FKBP7: variants seen among roughly 807,000 people sequenced by gnomAD.
FKBP7 encodes the protein FKBP prolyl isomerase 7.
Under a neutral mutation model 24.3 loss-of-function variants are expected in FKBP7, and 24 were observed. The observed-to-expected ratio is 0.99, with a 90% confidence interval of 0.72 to 1.39. The LOEUF is 1.39. FKBP7 is among the 40% of genes most tolerant of loss of function. The pLI, the probability that FKBP7 is intolerant of heterozygous loss-of-function variation, is 0.00. For synonymous variants in FKBP7, 98 were observed against 92.8 expected, an observed-to-expected ratio of 1.06 and a Z score of -0.32; for missense variants, 257 against 269.5, an observed-to-expected ratio of 0.95 and a Z score of 0.33.
At chr2:178,473,260 T>C in intron 2 of FKBP7, 1 of 413,852 alleles carries the variant, frequency 2.4e-6, no homozygotes, top group Non-Finnish European at 4.9e-6. Context: ...ACTTTTAAAA[T>C]AATGTAATCC....
intron 2 of FKBP7, 111 bp downstream of exon 2, chr2:178,476,950 CA>C: frequency 1.3e-6 from 1 of 778,748 alleles, no homozygotes; most frequent in Non-Finnish European, 2.0e-6. Context: ...CATGGCTGTA[CA>C]AATATTTCTT....
chr2:178,478,265 G>A lies in FKBP7; in HGVS notation c.221+14C>T. ...GTGCAACTGGACGCACGGGCAGCTC[G>A]CAGCATTTCCTACCTGCAGTAGAAT... On this transcript the variant is annotated intron_variant, in intron 1 of 3. Transcript: ENST00000424785. 6.2e-7 allele frequency: 1 copy of A among 1,613,472 alleles called. No homozygotes were observed. Among genetic ancestry groups the A allele is most frequent in the Non-Finnish European group, 8.5e-7 (1 of 1,179,796 alleles).
At chr2:178,474,245 AGC>A (rs1422612495) in intron 2 of FKBP7, among the ~76,000 whole-genome samples, 1 of 152,210 alleles carries the variant, frequency 6.6e-6, no homozygotes, top group Admixed American at 6.5e-5. Flanking sequence ...CTTTCTGTAT[AGC>A]CTTCAAGCAG....
Position 178,476,230 on chromosome 2 carries a change from A to AT in FKBP7, c.373+831dup, listed in dbSNP as rs1684993887. 2.6e-5 allele frequency among the ~76,000 whole-genome samples: 4 copies of AT among 152,244 alleles called. No individual in the cohort carries two copies. The South Asian group carries it at 8.3e-4, about 31-fold the overall frequency. On this transcript the variant is annotated intron_variant, in intron 2 of 3. Transcript: ENST00000424785. ...CAGAGATCTATATTCAAACAATGTC[A>AT]TATTATCCTTATAAGCAAAAAGAAG...
intron 2 of FKBP7, among the ~76,000 whole-genome samples, chr2:178,475,165 G>A (rs1423066967): frequency 6.6e-6 from 1 of 152,042 alleles, no homozygotes; most frequent in Admixed American, 6.6e-5. Flanking sequence ...TGCAGTGAAT[G>A]TTCTTTTACA....
intron 1 of FKBP7, among the ~76,000 whole-genome samples, chr2:178,478,030 T>C (rs1457925541): frequency 6.6e-6 from 1 of 152,204 alleles, no homozygotes; most frequent in East Asian, 1.9e-4. Context: ...TGGTGGTGGT[T>C]GATGTGTGTG....
At position 178,477,141 on chromosome 2, in the gene FKBP7, A is replaced by C. The variant is rs1468654751; in HGVS notation, c.294T>G (p.Ile98Met). 1 of 1,613,298 alleles carries C rather than the reference A, an allele frequency of 6.2e-7. No homozygotes were observed. Residue 98 changes from isoleucine (I) to methionine (M), a missense_variant, in exon 2 of 4, where the codon ATT becomes ATG. Coordinates refer to ENST00000424785, the MANE Select transcript of FKBP7 (RefSeq NM_181342.3). ...GVGQVIKGLD[I>M]AMTDMCPGEK... ...CTCCAGGGCACATATCTGTCATAGCAATGTCTAGGCCTTTTATGACTTGCC... is the reference window on the plus strand; with the variant it reads ...CTCCAGGGCACATATCTGTCATAGCCATGTCTAGGCCTTTTATGACTTGCC...
At chr2:178,474,917 G>A (rs1317644088) in intron 2 of FKBP7, among the ~76,000 whole-genome samples, 2 of 151,968 alleles carry the variant, frequency 1.3e-5, no homozygotes, top group Admixed American at 6.5e-5. Context: ...CAGACTCCTG[G>A]GCTCAAGTGA....
rs1206724312 is a variant in FKBP7, at chr2:178,478,542, C to T, written c.-43G>A. 6.8e-6 allele frequency: 11 copies of T among 1,607,598 alleles called. No individual in the cohort carries two copies. Among genetic ancestry groups the T allele is most frequent in the African/African-American group, 1.3e-5 (1 of 74,634 alleles). Reference sequence around the variant, plus strand: ...TGCTCTCCCTCCCGCGTGTCACTCGCGCCCCGTGGATGTCCCGCGGCCGAG... The same window carrying T: ...TGCTCTCCCTCCCGCGTGTCACTCGTGCCCCGTGGATGTCCCGCGGCCGAG... On this transcript the variant is annotated 5_prime_UTR_variant, in exon 1 of 4. Transcript: ENST00000424785.
At chr2:178,468,834 A>G (rs986062059) in intron 3 of FKBP7, among the ~76,000 whole-genome samples, 2 of 151,994 alleles carry the variant, frequency 1.3e-5, no homozygotes, top group Non-Finnish European at 2.9e-5. Flanking sequence ...AGTACCTGGT[A>G]CTAAAAGTAT....
rs778703060 is a variant in FKBP7 at position 178,465,806 on chromosome 2, G to T, written c.633C>A (p.Pro211=). Residue 211 remains proline (P), a synonymous_variant, in exon 4 of 4, where the codon CCC becomes CCA. Coordinates refer to ENST00000424785, the MANE Select transcript of FKBP7 (RefSeq NM_181342.3). ...NDHDGDGFIS[P]KEYNVYQHDE... is the part of the protein sequence containing the mutation. ...CGTGTTGGTATACATTGTATTCCTT[G>T]GGAGAAATGAAGCCATCACCATCAT... 2 of 1,608,316 alleles carry T rather than the reference G, an allele frequency of 1.2e-6. No individual in the cohort carries two copies. Among genetic ancestry groups the T allele is most frequent in the African/African-American group, 2.7e-5 (2 of 74,538 alleles).
intron 3 of FKBP7, among the ~76,000 whole-genome samples, chr2:178,466,844 T>C (rs1332105735): frequency 6.6e-6 from 1 of 152,242 alleles, no homozygotes; most frequent in African/African-American, 2.4e-5. Context: ...CACAATCATC[T>C]GGAGGTAATG....
In FKBP7 at chr2:178,469,610, A is replaced by G. The variant is rs1453841732; in HGVS notation, c.507+42T>C. Reference sequence around the variant, plus strand: ...GTAACACAGATGTATTTAAACTGTGATAAAAAAATTAGACTATACACATGA... The same window carrying G: ...GTAACACAGATGTATTTAAACTGTGGTAAAAAAATTAGACTATACACATGA... On this transcript the variant is annotated intron_variant, in intron 3 of 3. Transcript: ENST00000424785. 6 of 1,606,102 alleles carry G rather than the reference A, an allele frequency of 3.7e-6. 1 individual carries two copies. The South Asian group carries it at 6.6e-5, about 18-fold the overall frequency.
At chr2:178,474,869 G>A (rs1288396769) in intron 2 of FKBP7, among the ~76,000 whole-genome samples, 1 of 152,116 alleles carries the variant, frequency 6.6e-6, no homozygotes, top group Non-Finnish European at 1.5e-5. Flanking sequence ...TTAATTTTCT[G>A]TAGAGATTGT....
Position 178,474,231 on chromosome 2 carries a change from G to A in FKBP7, c.373+2831C>T, listed in dbSNP as rs116231535. 9.6e-3 allele frequency among the ~76,000 whole-genome samples: 1,466 copies of A among 152,294 alleles called. 21 individuals are homozygous for A. The highest frequency in any genetic ancestry group is 0.034 in the African/African-American group (1,401 of 41,552). On this transcript the variant is annotated intron_variant, in intron 2 of 3. Coordinates refer to ENST00000424785, the MANE Select transcript of FKBP7 (RefSeq NM_181342.3). ...GCTCTAAATAGGGTAAGGAGGCAAA[G>A]ATTCTTTCTGTATAGCCTTCAAGCA...
chr2:178,468,658 C>T (rs980799809), intron 3 of FKBP7, among the ~76,000 whole-genome samples: 3 of 151,998 alleles, frequency 2.0e-5, no homozygotes, highest in Non-Finnish European at 1.5e-5. Context: ...TAAGAACAGT[C>T]ATGAAGCCAG....
chr2:178,472,431 A>C lies in FKBP7; in HGVS notation c.374-2646T>G, dbSNP rs551668423. Among the ~76,000 whole-genome samples the C allele has an allele frequency of 6.6e-5, 10 of 152,076 alleles. No individual in the cohort carries two copies. The South Asian group carries it at 2.1e-3, about 32-fold the overall frequency. Reference sequence around the variant, plus strand: ...TAGGTACATATGCAGTTTTTGAACAATTTTGCTATAAACATAGAAAATATT... The same window carrying C: ...TAGGTACATATGCAGTTTTTGAACACTTTTGCTATAAACATAGAAAATATT... On this transcript the variant is annotated intron_variant, in intron 2 of 3. Transcript: ENST00000424785.
intron 2 of FKBP7, among the ~76,000 whole-genome samples, chr2:178,475,064 A>C (rs1673530854): frequency 6.6e-6 from 1 of 152,174 alleles, no homozygotes; most frequent in Admixed American, 6.5e-5. Context: ...AATTCATTGT[A>C]TAGATATACT....
chr2:178,476,143 A>G (rs1285085488), intron 2 of FKBP7, among the ~76,000 whole-genome samples: 2 of 152,226 alleles, frequency 1.3e-5, no homozygotes, highest in African/African-American at 4.8e-5. Context: ...CTTAAGGTAG[A>G]GCTTATAGAA....
Sources: allele counts gnomAD v4.1 joint callset (sites outside exome capture counted in the v4.1 genomes callset), GRCh38; gene constraint gnomAD v4.1.1; transcripts MANE v1.5; gene names NCBI Gene and HGNC (gene_info 2026-07-23, HGNC 2026-07-21).